Variants in GRID1 observed in about 807,000 individuals in gnomAD.
The protein encoded by GRID1 is glutamate receptor ionotropic, delta-1.
In GRID1, 28 loss-of-function variants were observed where a neutral mutation model predicts 98.0. The ratio of observed to expected loss-of-function variants is 0.29; its 90% CI spans 0.21 to 0.39. The LOEUF is 0.39. GRID1 is among the 10% of genes least tolerant of loss of function. The pLI, the probability that GRID1 is intolerant of heterozygous loss-of-function variation, is 1.00. For missense variants in GRID1, 1,111 were observed against 1,340.5 expected (o/e 0.83, Z 2.67); for synonymous variants, 553 against 538.5 (o/e 1.03, Z -0.37).
In GRID1 at chr10:86,366,507, C is replaced by T. The variant is rs921638783; in HGVS notation, c.-115G>A. Reference sequence around the variant, plus strand: ...GGGCCGCTCCCCGGGAGAGCCGAGCCCGCCCGTGCGTCTTCCCCCGCGCGC... The same window carrying T: ...GGGCCGCTCCCCGGGAGAGCCGAGCTCGCCCGTGCGTCTTCCCCCGCGCGC... On this transcript the variant is annotated 5_prime_UTR_variant, in exon 1 of 16. Transcript: ENST00000327946. The surrounding 1 kb of genome is among the most constrained non-coding windows in gnomAD (Gnocchi z 4.1). 1 of 534,904 alleles carries T rather than the reference C, an allele frequency of 1.9e-6. No homozygotes were observed. The highest frequency in any genetic ancestry group is 2.8e-6 in the Non-Finnish European group (1 of 362,592). 33.1% of individuals were successfully genotyped at this position (534,904 alleles called of 1,614,324 possible).
chr10:86,307,187 A>G (rs1434262064), intron 2 of GRID1, among the ~76,000 whole-genome samples: 1 of 152,202 alleles, frequency 6.6e-6, no homozygotes, highest in Admixed American at 6.5e-5. Flanking sequence ...CAGCAATCTC[A>G]CTTCTGGACA....
At chr10:86,088,259 A>C (rs1012386197) in intron 4 of GRID1, among the ~76,000 whole-genome samples, 1 of 152,222 alleles carries the variant, frequency 6.6e-6, no homozygotes, top group Admixed American at 6.5e-5. Flanking sequence ...ATTAAAAGAC[A>C]ACAATGGGAT....
intron 8 of GRID1, among the ~76,000 whole-genome samples, chr10:85,763,799 AC>A (rs777053594): frequency 1.2e-4 from 18 of 152,368 alleles, no homozygotes; most frequent in South Asian, 1.0e-3. Flanking sequence ...GTTACTACAG[AC>A]AAGTGAAGTA....
At position 86,365,408 on chromosome 10, in the gene GRID1, C is replaced by G. The variant is rs531341005; in HGVS notation, c.79+906G>C. On this transcript the variant is annotated intron_variant, in intron 1 of 15. Transcript: ENST00000327946. This position sits in a 1 kb window ranked among gnomAD's most constrained non-coding sequence, Gnocchi z 4.8. Reference sequence around the variant, plus strand: ...CAACTCGGCCCAACTTCCCGAGATTCCTCCCGTGTTGCTCCCAACTCCCAC... The same window carrying G: ...CAACTCGGCCCAACTTCCCGAGATTGCTCCCGTGTTGCTCCCAACTCCCAC... Among the ~76,000 whole-genome samples the G allele has an allele frequency of 2.6e-5, 4 of 151,894 alleles. No individual in the cohort carries two copies. In the South Asian group the frequency reaches 6.3e-4, roughly 24 times the overall value.
chr10:86,114,903 C>T (rs973525074), intron 4 of GRID1, among the ~76,000 whole-genome samples: 6 of 152,214 alleles, frequency 3.9e-5, no homozygotes, highest in African/African-American at 1.4e-4. Context: ...GGTACTCTCA[C>T]AGGAGGCACT....
rs1848685382 is a variant in GRID1, at chr10:86,366,583, C to T, written c.-191G>A. ...CAGCCCAGCCCAGCCCAGCCCAGCG[C>T]GGTCGGGCTCCCGCTCCGGCTCCGG... is the stretch of plus-strand genomic sequence containing the variant. On this transcript the variant is annotated 5_prime_UTR_variant, in exon 1 of 16. Coordinates refer to ENST00000327946, the MANE Select transcript of GRID1 (RefSeq NM_017551.3). This position sits in a 1 kb window ranked among gnomAD's most constrained non-coding sequence, Gnocchi z 4.1. 3 of 218,184 alleles carry T rather than the reference C, an allele frequency of 1.4e-5. No individual in the cohort carries two copies. The highest frequency in any genetic ancestry group is 1.0e-4 in the East Asian group (1 of 9,776). The allele number at this position is 218,184 out of a possible 1,614,324, so 13.5% of individuals were successfully genotyped here.
chr10:86,048,301 T>C (rs1047646834), intron 4 of GRID1, among the ~76,000 whole-genome samples: 1 of 152,182 alleles, frequency 6.6e-6, no homozygotes, highest in Non-Finnish European at 1.5e-5. Flanking sequence ...TGAGTGCCCA[T>C]CTTAGGTAAA....
At chr10:85,731,883 G>A (rs1841829174) in intron 8 of GRID1, among the ~76,000 whole-genome samples, 1 of 149,628 alleles carries the variant, frequency 6.7e-6, no homozygotes, top group South Asian at 2.1e-4. Flanking sequence ...GATAAAGAAA[G>A]GGAGGTAGGG....
chr10:85,996,466 C>G (rs1373408607), intron 4 of GRID1, among the ~76,000 whole-genome samples: 2 of 152,144 alleles, frequency 1.3e-5, no homozygotes, highest in African/African-American at 4.8e-5. Flanking sequence ...ACTGGATGGG[C>G]TCAATGAAGA....
intron 2 of GRID1, among the ~76,000 whole-genome samples, chr10:86,332,828 A>G (rs1311448314): frequency 1.3e-5 from 2 of 151,948 alleles, no homozygotes; most frequent in Non-Finnish European, 2.9e-5. Context: ...CGTAGACGTG[A>G]CCTTCACCCT....
intron 2 of GRID1, among the ~76,000 whole-genome samples, chr10:86,267,627 C>A (rs1483643073): frequency 6.6e-6 from 1 of 152,182 alleles, no homozygotes; most frequent in Non-Finnish European, 1.5e-5. Flanking sequence ...GCAGGCAGTT[C>A]CGAGTGCCCA....
chr10:86,093,309 C>T (rs564307142), intron 4 of GRID1, among the ~76,000 whole-genome samples: 2 of 151,614 alleles, frequency 1.3e-5, no homozygotes, highest in South Asian at 2.1e-4. Context: ...TAAGGTCACA[C>T]CTCAAGGAAC....
rs769238680 is a variant in GRID1 at position 85,722,967 on chromosome 10, A to G, written c.1997+36T>C. ...TTACATCCTCTTTAAAGCCTCTCTGAGCTGCTGGCTCCAGATCAAGGAGGA... is the reference window on the plus strand; with the variant it reads ...TTACATCCTCTTTAAAGCCTCTCTGGGCTGCTGGCTCCAGATCAAGGAGGA... On this transcript the variant is annotated intron_variant, in intron 12 of 15. Transcript: ENST00000327946. 6 of 1,581,844 alleles carry G rather than the reference A, an allele frequency of 3.8e-6. No individual in the cohort carries two copies. In the Admixed American group the frequency reaches 6.9e-5, roughly 18 times the overall value.
At chr10:86,092,570 G>A (rs563434784) in intron 4 of GRID1, among the ~76,000 whole-genome samples, 23 of 152,254 alleles carry the variant, frequency 1.5e-4, no homozygotes, top group African/African-American at 5.1e-4. Context: ...CACCAAAAGC[G>A]AGCAGGAGTA....
At chr10:86,359,316 G>C (rs1848572858) in intron 2 of GRID1, among the ~76,000 whole-genome samples, 1 of 152,134 alleles carries the variant, frequency 6.6e-6, no homozygotes, top group South Asian at 2.1e-4. Flanking sequence ...ATTCTGAATG[G>C]AGCCAACGAA....
chr10:86,183,462 C>A (rs979349942), intron 3 of GRID1, among the ~76,000 whole-genome samples: 1 of 152,120 alleles, frequency 6.6e-6, no homozygotes, highest in Non-Finnish European at 1.5e-5. Flanking sequence ...CAGATTCAAG[C>A]GATTCATCTG....
chr10:86,105,449 A>C (rs75116762), intron 4 of GRID1, among the ~76,000 whole-genome samples: 4,077 of 152,322 alleles, frequency 0.027, 129 homozygotes, highest in South Asian at 0.14. Context: ...CTATCTCTTC[A>C]GAACACACAG....
At chr10:85,954,709 G>A (rs1842167844) in intron 4 of GRID1, among the ~76,000 whole-genome samples, 1 of 152,128 alleles carries the variant, frequency 6.6e-6, no homozygotes, top group Admixed American at 6.5e-5. Flanking sequence ...AGCCTCCCAG[G>A]TCCTTCCGAA....
chr10:86,059,411 AT>A (rs1266349765), intron 4 of GRID1, among the ~76,000 whole-genome samples: 5 of 152,256 alleles, frequency 3.3e-5, no homozygotes, highest in African/African-American at 9.6e-5. Flanking sequence ...ATACACAGGT[AT>A]TTATGAAATC....
Sources: gnomAD v4.1 joint callset for allele counts (sites outside exome capture counted in the v4.1 genomes callset) on GRCh38, gnomAD v4.1.1 for gene constraint, Gnocchi (gnomAD v3.1) non-coding constraint, MANE v1.5 for transcripts, NCBI Gene and HGNC (gene_info 2026-07-23, HGNC 2026-07-21) for gene names.